The following EZR variants were observed in gnomAD, a reference collection of about 807,000 sequenced individuals.
EZR encodes cytovillin 2.
A neutral mutation model predicts 74.8 loss-of-function variants in EZR; 40 were observed. The observed-to-expected ratio is 0.53, with a 90% confidence interval of 0.42 to 0.70. EZR has a LOEUF of 0.70. EZR is among the 30% of genes least tolerant of loss of function. EZR has a pLI of 0.00. For missense variants in EZR, 678 were observed against 755.8 expected (o/e 0.90, Z 1.21); for synonymous variants, 341 against 283.3 (o/e 1.20, Z -2.05).
At chr6:158,808,265 G>A (rs947394015) in intron 2 of EZR, among the ~76,000 whole-genome samples, 3 of 152,190 alleles carry the variant, frequency 2.0e-5, no homozygotes, top group Non-Finnish European at 4.4e-5. Flanking sequence ...GTTAGGGGGA[G>A]TATGTTAAGT....
chr6:158,778,388 C>G (rs1397443192), intron 7 of EZR, among the ~76,000 whole-genome samples: 1 of 152,194 alleles, frequency 6.6e-6, no homozygotes, highest in Non-Finnish European at 1.5e-5. Flanking sequence ...AATTCATAGC[C>G]ACTCATAAGC....
At chr6:158,776,855 A>G (rs763740179) in intron 7 of EZR, among the ~76,000 whole-genome samples, 10 of 151,854 alleles carry the variant, frequency 6.6e-5, no homozygotes, top group Non-Finnish European at 1.5e-4. Context: ...TTCCCACATC[A>G]CATCACCACA....
intron 2 of EZR, among the ~76,000 whole-genome samples, chr6:158,800,162 A>G (rs1777159890): frequency 6.6e-6 from 1 of 152,234 alleles, no homozygotes; most frequent in Non-Finnish European, 1.5e-5. Flanking sequence ...TATTTATCAA[A>G]ATATTCAAAA....
chr6:158,776,381 C>T (rs751113928), intron 8 of EZR, 27 bp downstream of exon 8: 2 of 1,540,212 alleles, frequency 1.3e-6, no homozygotes, highest in South Asian at 2.2e-5. Context: ...AAACAGTAGC[C>T]CCTGAATAGA....
chr6:158,792,931 T>G (rs1791783462), intron 2 of EZR, among the ~76,000 whole-genome samples: 1 of 152,060 alleles, frequency 6.6e-6, no homozygotes. Flanking sequence ...AACTCTTAGC[T>G]GGTCCGATCA....
chr6:158,784,842 C>T, intron 5 of EZR, 115 bp from the exon 6 acceptor site: 1 of 810,060 alleles, frequency 1.2e-6, no homozygotes, highest in South Asian at 1.6e-5. Context: ...CAATCAATCC[C>T]AAAGAGCTTT....
At position 158,765,961 on chromosome 6, in the gene EZR, CTG is replaced by C. The variant is rs1353081900; in HGVS notation, c.*951_*952del. On this transcript the variant is annotated 3_prime_UTR_variant, in exon 14 of 14. Transcript: ENST00000367075. Reference sequence around the variant, plus strand: ...AACAGAGTCTCTTCACAGCTGGAGTCTGAAAGCTCATAGTGGCATGTGTGAAT... The same window carrying C: ...AACAGAGTCTCTTCACAGCTGGAGTCAAAGCTCATAGTGGCATGTGTGAAT... 2.0e-5 allele frequency: 3 copies of C among 152,478 alleles called. No homozygotes were observed. The highest frequency in any genetic ancestry group is 1.5e-5 in the Non-Finnish European group (1 of 68,034). 9.4% of individuals were successfully genotyped at this position (152,478 alleles called of 1,614,324 possible).
intron 9 of EZR, 122 bp downstream of exon 9, chr6:158,771,122 G>A (rs1051837699): frequency 7.0e-7 from 1 of 1,424,932 alleles, no homozygotes; most frequent in Non-Finnish European, 9.4e-7. Context: ...TCCCAGCGTG[G>A]TGACTGGGTT....
intron 2 of EZR, among the ~76,000 whole-genome samples, chr6:158,790,597 C>T (rs887904116): frequency 2.0e-5 from 3 of 152,164 alleles, no homozygotes; most frequent in Non-Finnish European, 2.9e-5. Context: ...TCGCTTGAAC[C>T]CAGGAGGCGG....
chr6:158,770,771 T>C lies in EZR; in HGVS notation c.1083A>G (p.Ala361=). 1 of 1,614,212 alleles carries C rather than the reference T, an allele frequency of 6.2e-7. No individual in the cohort carries two copies. The highest frequency in any genetic ancestry group is 8.5e-7 in the Non-Finnish European group (1 of 1,180,034). Residue 361 remains alanine (A), a synonymous_variant, in exon 10 of 14, where the codon GCA becomes GCG. Transcript: ENST00000367075. ...LQDYEEKTKK[A]ERELSEQIQR... ...AGCCCCAGGGCGCCTGACCTCTCTC[T>C]GCCTTCTTTGTCTTCTCCTCATAGT...
chr6:158,803,612 T>C lies in EZR; in HGVS notation c.13-14241A>G, dbSNP rs1234419249. 2.4e-3 allele frequency among the ~76,000 whole-genome samples: 39 copies of C among 16,332 alleles called. 5 individuals are homozygous for C. The highest frequency in any genetic ancestry group is 0.01 in the African/African-American group (33 of 3,268). The allele number at this position is 16,332 out of a possible 152,430, so 10.7% of individuals were successfully genotyped here. A position where few individuals can be genotyped will look rare whatever the true frequency, so the allele number is the denominator to read the frequency against. ...ATATATATATATATATATACATATA[T>C]ATATATATATATACATATACATACA... On this transcript the variant is annotated intron_variant, in intron 2 of 13. Coordinates refer to ENST00000367075, the MANE Select transcript of EZR (RefSeq NM_001111077.2).
intron 8 of EZR, among the ~76,000 whole-genome samples, chr6:158,775,797 C>A (rs1308954286): frequency 3.3e-5 from 5 of 152,128 alleles, no homozygotes; most frequent in Non-Finnish European, 5.9e-5. Flanking sequence ...TAAATAAAAC[C>A]AAATTTACAT....
intron 7 of EZR, among the ~76,000 whole-genome samples, chr6:158,781,253 T>C (rs1791424838): frequency 6.6e-6 from 1 of 152,180 alleles, no homozygotes; most frequent in Non-Finnish European, 1.5e-5. Flanking sequence ...GCCTATTAAA[T>C]GACTGAATAT....
intron 1 of EZR, 162 bp from the exon 2 acceptor site, chr6:158,818,328 A>ACGGGCGGGGCGGGGC (rs1313500058): frequency 7.6e-6 from 2 of 262,450 alleles, no homozygotes; most frequent in Non-Finnish European, 1.4e-5. Context: ...GGGAGGGGGC[A>ACGGGCGGGGCGGGGC]CGGGCGGGGC....
chr6:158,785,305 T>A lies in EZR; in HGVS notation c.467+4A>T, dbSNP rs1791546198. On this transcript the variant is annotated splice_donor_region_variant and intron_variant, in intron 5 of 13. Coordinates refer to ENST00000367075, the MANE Select transcript of EZR (RefSeq NM_001111077.2). ...CTGCCCAGGCCGGGTCATCCTGTGC[T>A]CACCTTTGAGGGATCAGCCGCTCAG... The A allele has an allele frequency of 6.2e-7, 1 of 1,613,262 alleles. No homozygotes were observed. The highest frequency in any genetic ancestry group is 2.2e-5 in the East Asian group (1 of 44,884).
At chr6:158,792,894 G>T (rs1791782597) in intron 2 of EZR, among the ~76,000 whole-genome samples, 1 of 151,382 alleles carries the variant, frequency 6.6e-6, no homozygotes, top group Non-Finnish European at 1.5e-5. Context: ...GACTTCATCT[G>T]AGCACCAGCA....
At position 158,805,839 on chromosome 6, in the gene EZR, A is replaced by G. The variant is rs112332557; in HGVS notation, c.12+12243T>C. ...AACCCTATCACTCACCCCAACCCCA[A>G]CCCATGGTTTGCTGTATTTCCTTCC... On this transcript the variant is annotated intron_variant, in intron 2 of 13. Transcript: ENST00000367075. Among the ~76,000 whole-genome samples the G allele has an allele frequency of 6.7e-3, 1,026 of 152,086 alleles. 6 individuals carry two copies. The highest frequency in any genetic ancestry group is 0.024 in the African/African-American group (977 of 41,490).
At chr6:158,802,052 T>A (rs1777197225) in intron 2 of EZR, among the ~76,000 whole-genome samples, 1 of 152,214 alleles carries the variant, frequency 6.6e-6, no homozygotes, top group African/African-American at 2.4e-5. Flanking sequence ...GCAGTGTCTG[T>A]CTACCAAAAA....
At chr6:158,776,674 T>G (rs1791288780) in intron 7 of EZR, among the ~76,000 whole-genome samples, 170 bp from the exon 8 acceptor site, 2 of 152,238 alleles carry the variant, frequency 1.3e-5, no homozygotes, top group Non-Finnish European at 2.9e-5. Flanking sequence ...CTGTCCTAGG[T>G]TAAGCCAAGT....
Sources: allele counts gnomAD v4.1 joint callset (sites outside exome capture counted in the v4.1 genomes callset), GRCh38; gene constraint gnomAD v4.1.1; transcripts MANE v1.5; gene names NCBI Gene and HGNC (gene_info 2026-07-23, HGNC 2026-07-21).